The following CYP4X1 variants were observed in gnomAD, a reference collection of about 807,000 sequenced individuals.
CYP4X1 encodes cytochrome P450 family 4 subfamily X member 1.
In CYP4X1, 44 loss-of-function variants were observed where a neutral mutation model predicts 57.9. The observed-to-expected ratio is 0.76, with a 90% CI of 0.60 to 0.98. CYP4X1 has a LOEUF of 0.98. CYP4X1 is among the 50% of genes least tolerant of loss of function. The pLI, the probability that CYP4X1 is intolerant of heterozygous loss-of-function variation, is 0.00. For synonymous variants in CYP4X1, 227 were observed against 228.6 expected (o/e 0.99, Z 0.06); for missense variants, 532 against 623.9 (o/e 0.85, Z 1.57).
the CYP4X1 span, among the ~76,000 whole-genome samples, chr1:46,999,590 A>G: frequency 6.6e-6 from 1 of 150,606 alleles, no homozygotes; most frequent in Non-Finnish European, 1.5e-5. Flanking sequence ...GATCTTTGTT[A>G]TTTCTTTTCT....
At chr1:47,030,990 T>C (rs1350531039) in intron 2 of CYP4X1, among the ~76,000 whole-genome samples, 2 of 152,224 alleles carry the variant, frequency 1.3e-5, no homozygotes, top group African/African-American at 4.8e-5. Flanking sequence ...CATGTTCACC[T>C]GTTAAGGACA....
chr1:47,039,667 G>T, intron 8 of CYP4X1, 135 bp downstream of exon 8: 4 of 535,450 alleles, frequency 7.5e-6, no homozygotes, highest in East Asian at 3.4e-5. Flanking sequence ...CTACTTTTCT[G>T]TTCTTTCTAA....
the CYP4X1 span, among the ~76,000 whole-genome samples, chr1:47,017,455 G>C: frequency 6.7e-6 from 1 of 148,784 alleles, no homozygotes; most frequent in South Asian, 2.2e-4. Context: ...TTTGACAAGA[G>C]CAAAAGACAC....
chr1:46,976,756 G>T, the CYP4X1 span, among the ~76,000 whole-genome samples: 4 of 152,154 alleles, frequency 2.6e-5, no homozygotes, highest in African/African-American at 9.7e-5. Flanking sequence ...TTCAGAGGAA[G>T]GATCAGGCAG....
At chr1:47,005,511 C>T in the CYP4X1 span, among the ~76,000 whole-genome samples, 1 of 152,130 alleles carries the variant, frequency 6.6e-6, no homozygotes, top group South Asian at 2.1e-4. Flanking sequence ...TATCTCATGG[C>T]TAGCATTCCA....
chr1:46,991,886 C>G, the CYP4X1 span, among the ~76,000 whole-genome samples: 3 of 152,186 alleles, frequency 2.0e-5, no homozygotes, highest in African/African-American at 7.2e-5. Context: ...AGACAATAAT[C>G]TTAATCTTAA....
At chr1:46,975,508 T>G in the CYP4X1 span, among the ~76,000 whole-genome samples, 1 of 152,154 alleles carries the variant, frequency 6.6e-6, no homozygotes. Context: ...TCCTCTGGTT[T>G]GTAGATTTTC....
the CYP4X1 span, among the ~76,000 whole-genome samples, chr1:46,975,242 G>C: frequency 6.6e-6 from 1 of 152,046 alleles, no homozygotes; most frequent in Non-Finnish European, 1.5e-5. Context: ...ATGTACACTT[G>C]TTATGTATTT....
upstream of CYP4X1, among the ~76,000 whole-genome samples, chr1:47,022,535 C>G (rs1353074690): frequency 6.6e-6 from 1 of 151,954 alleles, no homozygotes; most frequent in African/African-American, 2.4e-5. Context: ...GTGATCCGCC[C>G]GCCTCGGCCT....
chr1:47,049,546 T>C (rs1452992626), intron 11 of CYP4X1, 42 bp downstream of exon 11: 9 of 1,540,700 alleles, frequency 5.8e-6, no homozygotes, highest in Non-Finnish European at 8.1e-6. Flanking sequence ...CAAAGATGTT[T>C]ACTTGAGAGT....
intron 8 of CYP4X1, among the ~76,000 whole-genome samples, chr1:47,045,571 C>A (rs893733228): frequency 1.3e-5 from 2 of 152,176 alleles, no homozygotes; most frequent in Non-Finnish European, 2.9e-5. Flanking sequence ...GTCCTAGAAG[C>A]CAGCAGTGGT....
chr1:47,048,670 T>C, intron 10 of CYP4X1, 41 bp downstream of exon 10: 1 of 1,567,498 alleles, frequency 6.4e-7, no homozygotes, highest in Non-Finnish European at 8.6e-7. Context: ...CAAGAACTAA[T>C]GCTGTGCAAG....
At chr1:46,992,195 A>C in the CYP4X1 span, among the ~76,000 whole-genome samples, 1 of 152,238 alleles carries the variant, frequency 6.6e-6, no homozygotes, top group East Asian at 1.9e-4. Flanking sequence ...ACACGCCTGT[A>C]ATCTCAGCTA....
At chr1:46,967,692 C>A in the CYP4X1 span, 2 of 824,546 alleles carry the variant, frequency 2.4e-6, no homozygotes, top group South Asian at 3.4e-5. Context: ...GGTCCTTGTC[C>A]CCACAATGGT....
chr1:47,037,769 T>C (rs1264867887), intron 6 of CYP4X1, among the ~76,000 whole-genome samples: 1 of 152,202 alleles, frequency 6.6e-6, no homozygotes, highest in Non-Finnish European at 1.5e-5. Context: ...TATTTATGTT[T>C]TCTTGTAGTA....
At chr1:46,980,963 C>T in the CYP4X1 span, among the ~76,000 whole-genome samples, 1,636 of 152,222 alleles carry the variant, frequency 0.011, 18 homozygotes, top group Non-Finnish European at 0.018. Context: ...CTTCCTTGCA[C>T]CTTATACAAA....
chr1:47,043,806 A>G (rs1644272997), intron 8 of CYP4X1, among the ~76,000 whole-genome samples: 1 of 152,166 alleles, frequency 6.6e-6, no homozygotes, highest in Non-Finnish European at 1.5e-5. Flanking sequence ...TACAACTATC[A>G]TATCCTCCTG....
chr1:47,043,567 A>G (rs1644270587), intron 8 of CYP4X1, among the ~76,000 whole-genome samples: 1 of 152,074 alleles, frequency 6.6e-6, no homozygotes, highest in Non-Finnish European at 1.5e-5. Flanking sequence ...TCTTTGCCTA[A>G]GCCAATATCT....
the CYP4X1 span, among the ~76,000 whole-genome samples, chr1:46,963,260 G>A: frequency 6.6e-6 from 1 of 152,058 alleles, no homozygotes; most frequent in Non-Finnish European, 1.5e-5. Context: ...TACATTTAAG[G>A]TTAATATTGT....
Sources: gnomAD v4.1 joint callset for allele counts (sites outside exome capture counted in the v4.1 genomes callset) on GRCh38, gnomAD v4.1.1 for gene constraint, MANE v1.5 for transcripts, NCBI Gene and HGNC (gene_info 2026-07-23, HGNC 2026-07-21) for gene names.